Variants in CDH18 observed in about 807,000 individuals in gnomAD.
CDH18 encodes the protein cadherin-18.
CDH18 carries 31 observed loss-of-function variants against 67.9 expected under a neutral mutation model. That is an observed-to-expected ratio of 0.46 (90% confidence interval 0.34 to 0.62). The LOEUF (loss-of-function observed/expected upper bound fraction) is 0.62, where lower values mean the gene tolerates loss of function less well. CDH18 is among the 20% of genes least tolerant of loss of function. The probability of loss-of-function intolerance (pLI) is 0.01; values close to 1 mark genes in which losing one functional copy is unlikely to be tolerated. For synonymous variants in CDH18, 362 were observed against 347.2 expected (o/e 1.04, Z -0.48); for missense variants, 890 against 975.5 (o/e 0.91, Z 1.17).
chr5:19,942,745 A>G (rs1794941587), intron 2 of CDH18, among the ~76,000 whole-genome samples: 1 of 152,172 alleles, frequency 6.6e-6, no homozygotes, highest in African/African-American at 2.4e-5. Context: ...AGTTCAAAAG[A>G]TAGAGCAAAG....
chr5:19,652,660 C>T (rs1018089088), intron 5 of CDH18, among the ~76,000 whole-genome samples: 12 of 151,858 alleles, frequency 7.9e-5, no homozygotes, highest in African/African-American at 2.4e-4. Flanking sequence ...GAGGAGGTGA[C>T]GATTGGCGTT....
chr5:20,042,673 C>T (rs947266021), intron 2 of CDH18, among the ~76,000 whole-genome samples: 2 of 152,098 alleles, frequency 1.3e-5, no homozygotes, highest in African/African-American at 2.4e-5. Context: ...TCTTTTAAAA[C>T]ATTTTATGGG....
intron 6 of CDH18, among the ~76,000 whole-genome samples, chr5:19,603,698 G>A (rs925837438): frequency 5.3e-4 from 80 of 151,172 alleles, no homozygotes; most frequent in Admixed American, 4.6e-3. Context: ...TCTTCAAAAT[G>A]CTAGTTTTGC....
chr5:20,031,632 T>C (rs1471072349), intron 2 of CDH18, among the ~76,000 whole-genome samples: 2 of 152,084 alleles, frequency 1.3e-5, no homozygotes, highest in African/African-American at 4.8e-5. Context: ...ATACACTATT[T>C]TGTATTTTTG....
rs554099562 is a variant in CDH18, at chr5:19,945,723, T to C, written c.-257+35337A>G. 2.0e-5 allele frequency among the ~76,000 whole-genome samples: 3 copies of C among 152,182 alleles called. No individual in the cohort carries two copies. In the East Asian group the frequency reaches 5.8e-4, roughly 29 times the overall value. ...TAGAACTGAAAAACACAGTAACTAC[T>C]ACAACAAACCATGCTGGATGTCCTT... On this transcript the variant is annotated intron_variant, in intron 2 of 12. Coordinates refer to ENST00000382275, the MANE Select transcript of CDH18 (RefSeq NM_004934.5).
At chr5:20,297,187 A>T (rs1580693612) in intron 1 of CDH18, among the ~76,000 whole-genome samples, 1 of 152,362 alleles carries the variant, frequency 6.6e-6, no homozygotes, top group East Asian at 1.9e-4. Flanking sequence ...AAAATCATGA[A>T]AATGATCCTA....
In CDH18 at chr5:20,212,719, C is replaced by T. The variant is rs1740448827; in HGVS notation, c.-518+42725G>A. Among the ~76,000 whole-genome samples the T allele has an allele frequency of 4.6e-5, 7 of 151,968 alleles. No homozygotes were observed. In the South Asian group the frequency reaches 1.5e-3, roughly 32 times the overall value. ...TTAGAAAAGAAAAAAAAAAACATAT[C>T]TTAAATTTTAAAATACTCTTTGCTA... On this transcript the variant is annotated intron_variant, in intron 2 of 14. Coordinates refer to the CDH18 transcript ENST00000507958.
In CDH18 at chr5:19,487,799, C is replaced by G. The variant is rs115592486; in HGVS notation, c.1631-4247G>C. Among the ~76,000 whole-genome samples the G allele has an allele frequency of 2.8e-3, 431 of 152,208 alleles. 2 individuals carry two copies. The highest frequency in any genetic ancestry group is 4.9e-3 in the Non-Finnish European group (331 of 67,956). On this transcript the variant is annotated intron_variant, in intron 11 of 12. Coordinates refer to ENST00000382275, the MANE Select transcript of CDH18 (RefSeq NM_004934.5). ...ATAATATCAGGCTTATGCCTACACTCTAATAATACCCTGTGATAACTGTGA... is the reference window on the plus strand; with the variant it reads ...ATAATATCAGGCTTATGCCTACACTGTAATAATACCCTGTGATAACTGTGA...
chr5:20,042,522 T>C lies in CDH18; in HGVS notation c.-517-50508A>G, dbSNP rs373610378. Among the ~76,000 whole-genome samples the C allele has an allele frequency of 5.3e-4, 80 of 152,280 alleles. No individual in the cohort carries two copies. The South Asian group carries it at 0.016, about 31-fold the overall frequency. On this transcript the variant is annotated intron_variant, in intron 2 of 14. Coordinates refer to the CDH18 transcript ENST00000507958. ...ATTTTTTTTCACACAAAAACATAATTGGCTGGCAGTTTATTTCATAGCATG... is the reference window on the plus strand; with the variant it reads ...ATTTTTTTTCACACAAAAACATAATCGGCTGGCAGTTTATTTCATAGCATG...
At chr5:19,726,532 C>T (rs917547373) in intron 4 of CDH18, among the ~76,000 whole-genome samples, 14 of 152,162 alleles carry the variant, frequency 9.2e-5, no homozygotes, top group African/African-American at 3.4e-4. Flanking sequence ...AATGCCAGCC[C>T]ATCAGAGAAC....
chr5:20,561,815 T>C (rs1445317226), intron 1 of CDH18, among the ~76,000 whole-genome samples: 1 of 152,006 alleles, frequency 6.6e-6, no homozygotes, highest in Non-Finnish European at 1.5e-5. Context: ...AGGTTCATGA[T>C]TGAACATTAG....
intron 5 of CDH18, among the ~76,000 whole-genome samples, chr5:19,631,433 T>C (rs996602891): frequency 1.3e-5 from 2 of 152,118 alleles, no homozygotes; most frequent in African/African-American, 4.8e-5. Flanking sequence ...TTTACTTAAG[T>C]CCTACGTTTA....
At chr5:19,707,859 C>T (rs1462742811) in intron 5 of CDH18, among the ~76,000 whole-genome samples, 1 of 152,216 alleles carries the variant, frequency 6.6e-6, no homozygotes, top group African/African-American at 2.4e-5. Flanking sequence ...CAATAATTCC[C>T]ATGGAATCAT....
intron 2 of CDH18, among the ~76,000 whole-genome samples, chr5:20,083,146 T>C (rs1744631391): frequency 1.3e-5 from 2 of 152,124 alleles, no homozygotes; most frequent in Non-Finnish European, 2.9e-5. Flanking sequence ...ACTGAAAGAA[T>C]TGAGGATGAG....
At chr5:19,845,611 T>G (rs1355625892) in intron 2 of CDH18, among the ~76,000 whole-genome samples, 1 of 152,100 alleles carries the variant, frequency 6.6e-6, no homozygotes, top group African/African-American at 2.4e-5. Context: ...AGTTTAGTAT[T>G]GACAATTTCT....
chr5:19,652,280 T>C (rs1052152681), intron 5 of CDH18, among the ~76,000 whole-genome samples: 4 of 152,134 alleles, frequency 2.6e-5, no homozygotes, highest in Admixed American at 2.6e-4. Flanking sequence ...ACAGACCTAG[T>C]GCTATGAGAG....
chr5:20,365,328 G>C (rs1253053840), intron 1 of CDH18, among the ~76,000 whole-genome samples: 1 of 152,038 alleles, frequency 6.6e-6, no homozygotes, highest in Non-Finnish European at 1.5e-5. Flanking sequence ...CCTCCCAAAG[G>C]CCTCATCTCC....
In CDH18 at chr5:19,736,089, T is replaced by C. The variant is rs937603616; in HGVS notation, c.523+10853A>G. On this transcript the variant is annotated intron_variant, in intron 4 of 12. Coordinates refer to ENST00000382275, the MANE Select transcript of CDH18 (RefSeq NM_004934.5). ...AACAATTTAAGTTGGTATCTCTGAA[T>C]AAAGCACTTGAAATAATGGACCAGA... Among the ~76,000 whole-genome samples the C allele has an allele frequency of 2.6e-5, 4 of 152,312 alleles. No homozygotes were observed. In the South Asian group the frequency reaches 6.2e-4, roughly 24 times the overall value.
chr5:19,499,591 T>C (rs796626262), intron 11 of CDH18, among the ~76,000 whole-genome samples: 14 of 152,242 alleles, frequency 9.2e-5, no homozygotes, highest in African/African-American at 3.4e-4. Context: ...TACTGTTGCC[T>C]CATTTTGTCT....
Sources: gnomAD v4.1 joint callset for allele counts (sites outside exome capture counted in the v4.1 genomes callset) on GRCh38, gnomAD v4.1.1 for gene constraint, MANE v1.5 for transcripts, NCBI Gene and HGNC (gene_info 2026-07-23, HGNC 2026-07-21) for gene names.